RALGPS2: variants seen among roughly 807,000 people sequenced by gnomAD.
RALGPS2 encodes ras-specific guanine nucleotide-releasing factor RalGPS2.
Under a neutral mutation model 86.8 loss-of-function variants are expected in RALGPS2, and 43 were observed. The ratio of observed to expected loss-of-function variants is 0.50; its 90% confidence interval spans 0.39 to 0.64. The LOEUF is 0.64. Ranked by LOEUF, RALGPS2 falls within the 30% of genes least tolerant of loss-of-function variation. The probability of loss-of-function intolerance (pLI) is 0.00; values close to 1 mark genes in which losing one functional copy is unlikely to be tolerated. For synonymous variants in RALGPS2, 243 were observed against 231.3 expected (o/e 1.05, Z -0.46); for missense variants, 536 against 694.6 (o/e 0.77, Z 2.57).
intron 8 of RALGPS2, among the ~76,000 whole-genome samples, chr1:178,876,135 C>T (rs1360877167): frequency 6.6e-6 from 1 of 152,100 alleles, no homozygotes; most frequent in Non-Finnish European, 1.5e-5. Flanking sequence ...CAAAACATTG[C>T]ACAAGATTTT....
At position 178,886,059 on chromosome 1, in the gene RALGPS2, G is replaced by A. The variant is rs755411408; in HGVS notation, c.1131G>A (p.Glu377=). Residue 377 remains glutamate (E), a synonymous_variant, in exon 13 of 20, where the codon GAG becomes GAA. Coordinates refer to ENST00000367635, the MANE Select transcript of RALGPS2 (RefSeq NM_152663.5). ...ATCTGTTAGATGATAGCGTCATGGA[G>A]CCCCATGCGCCATCTCGAGGCCAAG... ...PRHLLDDSVM[E]PHAPSRGQAE... is the part of the protein sequence containing the mutation. The A allele has an allele frequency of 6.2e-7, 1 of 1,613,618 alleles. No homozygotes were observed. The highest frequency in any genetic ancestry group is 8.5e-7 in the Non-Finnish European group (1 of 1,179,818).
At chr1:178,772,108 A>G (rs574827421) in intron 1 of RALGPS2, among the ~76,000 whole-genome samples, 28 of 152,302 alleles carry the variant, frequency 1.8e-4, no homozygotes, top group Non-Finnish European at 3.2e-4. Flanking sequence ...CTAATATGCT[A>G]TGTTCCTTTC....
intron 2 of RALGPS2, among the ~76,000 whole-genome samples, chr1:178,782,890 A>G (rs1455346370): frequency 1.3e-5 from 2 of 152,186 alleles, no homozygotes; most frequent in Admixed American, 1.3e-4. Context: ...AAACCCTTAC[A>G]GTAAAGGCCT....
At chr1:178,813,471 T>C (rs928761832) in intron 6 of RALGPS2, among the ~76,000 whole-genome samples, 6 of 152,198 alleles carry the variant, frequency 3.9e-5, no homozygotes, top group African/African-American at 1.4e-4. Flanking sequence ...TTTTTTCTCA[T>C]TGTCCCTTAA....
At chr1:178,848,922 G>A (rs893279864) in intron 8 of RALGPS2, among the ~76,000 whole-genome samples, 1 of 152,140 alleles carries the variant, frequency 6.6e-6, no homozygotes, top group African/African-American at 2.4e-5. Flanking sequence ...GAGCCACCAC[G>A]CCTGGCCCGG....
At chr1:178,823,299 A>G (rs1655596416) in intron 7 of RALGPS2, among the ~76,000 whole-genome samples, 2 of 152,242 alleles carry the variant, frequency 1.3e-5, no homozygotes. Context: ...TTTGTATTTT[A>G]AAATATTTCA....
At chr1:178,831,301 C>T (rs532850854) in intron 7 of RALGPS2, among the ~76,000 whole-genome samples, 16 of 152,126 alleles carry the variant, frequency 1.1e-4, no homozygotes, top group Non-Finnish European at 2.1e-4. Flanking sequence ...AATCTGCACC[C>T]CGGGTCTAAG....
chr1:178,727,155 G>A (rs868384382), intron 1 of RALGPS2, among the ~76,000 whole-genome samples: 4 of 152,070 alleles, frequency 2.6e-5, no homozygotes, highest in South Asian at 2.1e-4. Flanking sequence ...TATTTTAAGC[G>A]TAGTTCATTT....
chr1:178,827,557 G>C (rs1340300995), intron 7 of RALGPS2, among the ~76,000 whole-genome samples: 1 of 151,644 alleles, frequency 6.6e-6, no homozygotes, highest in South Asian at 2.1e-4. Context: ...ACTACGCCCG[G>C]CTAATTTTTT....
At chr1:178,734,522 A>G (rs1650566033) in intron 1 of RALGPS2, among the ~76,000 whole-genome samples, 1 of 152,212 alleles carries the variant, frequency 6.6e-6, no homozygotes, top group Non-Finnish European at 1.5e-5. Context: ...TGACTTGTAC[A>G]TTTTAAATGG....
intron 5 of RALGPS2, among the ~76,000 whole-genome samples, chr1:178,810,530 A>AT (rs777484199): frequency 0.06 from 8,486 of 140,494 alleles, 814 homozygotes; most frequent in African/African-American, 0.2. Context: ...GCATAACTTG[A>AT]TTTTTTTTTT....
intron 8 of RALGPS2, among the ~76,000 whole-genome samples, chr1:178,868,019 G>T (rs982186189): frequency 6.6e-6 from 1 of 151,918 alleles, no homozygotes; most frequent in African/African-American, 2.4e-5. Flanking sequence ...ACAAGAGAGG[G>T]AATGAAAACA....
At position 178,749,220 on chromosome 1, in the gene RALGPS2, C is replaced by T. The variant is rs533392742; in HGVS notation, c.-84+23801C>T. On this transcript the variant is annotated intron_variant, in intron 1 of 19. Transcript: ENST00000367635. ...AATTCATGCAGGCTGGGTGTGGTGG[C>T]TCACGCCTATAATCCTAGCACTTTG... Among the ~76,000 whole-genome samples the T allele has an allele frequency of 3.9e-5, 6 of 152,180 alleles. No homozygotes were observed. The East Asian group carries it at 1.2e-3, about 29-fold the overall frequency.
chr1:178,881,909 A>G (rs1659271230), intron 10 of RALGPS2, among the ~76,000 whole-genome samples: 1 of 152,208 alleles, frequency 6.6e-6, no homozygotes, highest in South Asian at 2.1e-4. Context: ...ATTTGTAAAT[A>G]GAAATGGCAT....
At chr1:178,813,156 A>G (rs1655069577) in intron 6 of RALGPS2, among the ~76,000 whole-genome samples, 1 of 151,904 alleles carries the variant, frequency 6.6e-6, no homozygotes, top group African/African-American at 2.4e-5. Flanking sequence ...CTGGTCTTGA[A>G]CACCTGACCT....
At chr1:178,853,364 C>T (rs1657308462) in intron 8 of RALGPS2, among the ~76,000 whole-genome samples, 1 of 152,036 alleles carries the variant, frequency 6.6e-6, no homozygotes, top group Non-Finnish European at 1.5e-5. Flanking sequence ...ATAAGTCATC[C>T]AGACTGAAAG....
chr1:178,902,251 T>C, intron 18 of RALGPS2, 40 bp downstream of exon 18: 1 of 1,454,796 alleles, frequency 6.9e-7, no homozygotes, highest in Admixed American at 1.7e-5. Context: ...ATACTGCGTA[T>C]GTGTTTGTGT....
At chr1:178,733,134 A>G (rs1265924333) in intron 1 of RALGPS2, among the ~76,000 whole-genome samples, 1 of 152,252 alleles carries the variant, frequency 6.6e-6, no homozygotes, top group East Asian at 1.9e-4. Context: ...TTCTAAAACA[A>G]AACATGGAAA....
At chr1:178,800,763 TA>T (rs1654432381) in intron 4 of RALGPS2, among the ~76,000 whole-genome samples, 1 of 152,106 alleles carries the variant, frequency 6.6e-6, no homozygotes, top group Non-Finnish European at 1.5e-5. Context: ...CTGAGTTGTT[TA>T]AGGGTCAACT....
Sources: allele counts gnomAD v4.1 joint callset (sites outside exome capture counted in the v4.1 genomes callset), GRCh38; gene constraint gnomAD v4.1.1; transcripts MANE v1.5; gene names NCBI Gene and HGNC (gene_info 2026-07-23, HGNC 2026-07-21).